NLGN1: variants seen among roughly 807,000 people sequenced by gnomAD.
The protein encoded by NLGN1 is neuroligin-1.
Under a neutral mutation model 65.5 loss-of-function variants are expected in NLGN1, and 12 were observed. The ratio of observed to expected loss-of-function variants is 0.18; its 90% confidence interval spans 0.12 to 0.30. NLGN1 has a LOEUF of 0.30. Ranked by LOEUF, NLGN1 falls within the 10% of genes least tolerant of loss-of-function variation. The pLI, the probability that NLGN1 is intolerant of heterozygous loss-of-function variation, is 1.00. For missense variants in NLGN1, 750 were observed against 1,007.1 expected (o/e 0.74, Z 3.46); for synonymous variants, 350 against 359.5 (o/e 0.97, Z 0.30).
chr3:174,235,146 T>G (rs1741483473), intron 4 of NLGN1, among the ~76,000 whole-genome samples: 1 of 151,934 alleles, frequency 6.6e-6, no homozygotes, highest in African/African-American at 2.4e-5. Flanking sequence ...GAAATCAGAT[T>G]TCATATGTCC....
At chr3:173,419,541 G>A (rs553325365) in intron 1 of NLGN1, among the ~76,000 whole-genome samples, 1 of 152,200 alleles carries the variant, frequency 6.6e-6, no homozygotes, top group South Asian at 2.1e-4. Flanking sequence ...ATGTGAATTG[G>A]AAAATAACAG....
At position 173,492,071 on chromosome 3, in the gene NLGN1, G is replaced by T. The variant is rs1038511432; in HGVS notation, c.-321+56993G>T. Among the ~76,000 whole-genome samples, 46 of 151,760 alleles carry T rather than the reference G, an allele frequency of 3.0e-4. 1 individual carries two copies. Among genetic ancestry groups the T allele is most frequent in the African/African-American group, 1.0e-3 (41 of 41,130 alleles). ...TATGAGAGCAAGATAGACAGAATTT[G>T]AATTTACACCTCTGGGTTTACTCTA... On this transcript the variant is annotated intron_variant, in intron 2 of 6. Transcript: ENST00000457714.
chr3:174,136,867 C>G (rs1721318662), intron 4 of NLGN1, among the ~76,000 whole-genome samples: 1 of 152,084 alleles, frequency 6.6e-6, no homozygotes, highest in African/African-American at 2.4e-5. Context: ...GTTACAGATG[C>G]TCCTTGACTA....
At chr3:174,156,790 A>G (rs73046269) in intron 4 of NLGN1, among the ~76,000 whole-genome samples, 2,285 of 151,792 alleles carry the variant, frequency 0.015, 56 homozygotes, top group African/African-American at 0.052. Context: ...AAAACAAAAC[A>G]TTATCAAAAA....
Position 174,151,085 on chromosome 3 carries a change from A to G in NLGN1, c.647-124230A>G, listed in dbSNP as rs373233465. 1.5e-3 allele frequency among the ~76,000 whole-genome samples: 222 copies of G among 151,950 alleles called. No homozygotes were observed. The South Asian group carries it at 0.021, about 14-fold the overall frequency. ...TCACATAATCCCCTCTTTCTCTTCTATATAAATGTGTATACCTAACAGAGT... is the reference window on the plus strand; with the variant it reads ...TCACATAATCCCCTCTTTCTCTTCTGTATAAATGTGTATACCTAACAGAGT... On this transcript the variant is annotated intron_variant, in intron 4 of 6. Transcript: ENST00000457714.
chr3:173,491,031 C>T (rs1729049804), intron 2 of NLGN1, among the ~76,000 whole-genome samples: 1 of 151,832 alleles, frequency 6.6e-6, no homozygotes. Context: ...ACAATCATGT[C>T]ATCTGCAAAC....
chr3:173,677,720 C>T (rs2149768869), intron 3 of NLGN1, among the ~76,000 whole-genome samples: 1 of 152,096 alleles, frequency 6.6e-6, no homozygotes, highest in African/African-American at 2.4e-5. Flanking sequence ...AAAGAACTAC[C>T]ATAAATAAAC....
chr3:173,423,525 T>C (rs1370724020), intron 1 of NLGN1, among the ~76,000 whole-genome samples: 1 of 152,024 alleles, frequency 6.6e-6, no homozygotes, highest in Non-Finnish European at 1.5e-5. Context: ...CCATTCCAAA[T>C]TGGGAAAAAT....
At chr3:173,853,544 C>T (rs1293717486) in intron 4 of NLGN1, among the ~76,000 whole-genome samples, 3 of 152,006 alleles carry the variant, frequency 2.0e-5, no homozygotes, top group Non-Finnish European at 2.9e-5. Flanking sequence ...TCTGGTAACA[C>T]TAAGGAAATT....
chr3:174,287,206 C>T (rs1423741175), downstream of NLGN1, among the ~76,000 whole-genome samples: 1 of 151,316 alleles, frequency 6.6e-6, no homozygotes, highest in African/African-American at 2.4e-5. Context: ...TGGTTTTGTA[C>T]TATCTAATCA....
chr3:174,041,784 T>C (rs1448981205), intron 4 of NLGN1, among the ~76,000 whole-genome samples: 1 of 152,182 alleles, frequency 6.6e-6, no homozygotes, highest in Non-Finnish European at 1.5e-5. Flanking sequence ...TGTTCAAATA[T>C]TTTGCCCATT....
exon 4 of NLGN1, chr3:173,807,726 T>C: frequency 6.2e-7 from 1 of 1,613,834 alleles, no homozygotes; most frequent in Non-Finnish European, 8.5e-7. Context: ...TGTATATCCA[T>C]GGTGGCTCAT....
intron 1 of NLGN1, among the ~76,000 whole-genome samples, chr3:173,425,353 CT>C (rs35263919): frequency 0.29 from 42,648 of 149,070 alleles, 6,211 homozygotes; most frequent in Middle Eastern, 0.41. Context: ...TATGCAGAGG[CT>C]TTTTTTTTTA....
At chr3:173,539,645 T>G (rs375636593) in intron 2 of NLGN1, among the ~76,000 whole-genome samples, 125 of 63,892 alleles carry the variant, frequency 2.0e-3, no homozygotes, top group East Asian at 6.7e-3. Flanking sequence ...CATATATACA[T>G]ATATAACATA....
intron 4 of NLGN1, among the ~76,000 whole-genome samples, chr3:173,891,655 G>T (rs1164193830): frequency 1.3e-5 from 2 of 152,124 alleles, no homozygotes; most frequent in African/African-American, 4.8e-5. Flanking sequence ...AACCTCCCTA[G>T]CACAACTCTA....
rs140372888 is a variant in NLGN1 at position 173,520,107 on chromosome 3, A to G, written c.-320-84172A>G. On this transcript the variant is annotated intron_variant, in intron 2 of 6. Coordinates refer to ENST00000457714, the Ensembl canonical transcript of NLGN1. ...TCTTCTCCTGCTTTGGCCATGTAAA[A>G]TGTGCCTGCTTCCCCTTTGCCTTCT... is the stretch of plus-strand genomic sequence containing the variant. Among the ~76,000 whole-genome samples the G allele has an allele frequency of 3.8e-3, 575 of 152,252 alleles. 1 individual carries two copies. Among genetic ancestry groups the G allele is most frequent in the African/African-American group, 0.014 (563 of 41,568 alleles).
chr3:173,918,449 A>T (rs369598366), intron 4 of NLGN1, among the ~76,000 whole-genome samples: 1 of 151,904 alleles, frequency 6.6e-6, no homozygotes. Context: ...AACCTGACCA[A>T]CATAGTGAAA....
intron 4 of NLGN1, among the ~76,000 whole-genome samples, chr3:173,845,263 G>A (rs1373594943): frequency 6.6e-6 from 1 of 152,094 alleles, no homozygotes; most frequent in East Asian, 1.9e-4. Context: ...CTCAGTAGTC[G>A]AATCCTGGAG....
rs566100388 is a variant in NLGN1 at position 174,123,952 on chromosome 3, T to C, written c.647-151363T>C. Among the ~76,000 whole-genome samples the C allele has an allele frequency of 7.2e-5, 11 of 152,260 alleles. No individual in the cohort carries two copies. The South Asian group carries it at 2.3e-3, about 32-fold the overall frequency. On this transcript the variant is annotated intron_variant, in intron 4 of 6. Coordinates refer to ENST00000457714, the Ensembl canonical transcript of NLGN1. Reference sequence around the variant, plus strand: ...ATTGTGTTCTCTCAAATATGTATGTTGAAGCCCTAACCTCCAGTGTGACTC... The same window carrying C: ...ATTGTGTTCTCTCAAATATGTATGTCGAAGCCCTAACCTCCAGTGTGACTC...
Sources: allele counts gnomAD v4.1 joint callset (sites outside exome capture counted in the v4.1 genomes callset), GRCh38; gene constraint gnomAD v4.1.1; transcripts MANE v1.5; gene names NCBI Gene and HGNC (gene_info 2026-07-23, HGNC 2026-07-21).